ZDHHC14: variants seen among roughly 807,000 people sequenced by gnomAD.
ZDHHC14 encodes zDHHC palmitoyltransferase 14, also known as palmitoyltransferase ZDHHC14.
ZDHHC14 carries 16 observed loss-of-function variants against 47.7 expected under a neutral mutation model. That is an observed-to-expected ratio of 0.34 (90% CI 0.23 to 0.51). The LOEUF (loss-of-function observed/expected upper bound fraction) is 0.51, where lower values mean the gene tolerates loss of function less well. Among genes scored for constraint, ZDHHC14 ranks in the 20% least tolerant of loss-of-function variants. The pLI is 0.97. For synonymous variants in ZDHHC14, 293 were observed against 278.9 expected (o/e 1.05, Z -0.50); for missense variants, 515 against 662.5 (o/e 0.78, Z 2.44).
intron 1 of ZDHHC14, among the ~76,000 whole-genome samples, chr6:157,423,871 C>T (rs1210472067): frequency 2.6e-5 from 4 of 152,206 alleles, no homozygotes; most frequent in Non-Finnish European, 5.9e-5. Flanking sequence ...CCCAGACCTG[C>T]AGACTCTGAC....
chr6:157,399,785 T>G (rs905347169), intron 1 of ZDHHC14, among the ~76,000 whole-genome samples: 3 of 152,248 alleles, frequency 2.0e-5, no homozygotes, highest in African/African-American at 7.2e-5. Context: ...CCAGGCTGGC[T>G]GGGTGGCTCT....
intron 1 of ZDHHC14, among the ~76,000 whole-genome samples, chr6:157,382,481 G>C (rs572296202): frequency 6.6e-6 from 1 of 152,208 alleles, no homozygotes; most frequent in Non-Finnish European, 1.5e-5. Flanking sequence ...GGAGCAGGGA[G>C]GGAAGGGGTC....
At chr6:157,562,444 C>T (rs1782746616) in intron 2 of ZDHHC14, among the ~76,000 whole-genome samples, 1 of 152,146 alleles carries the variant, frequency 6.6e-6, no homozygotes, top group African/African-American at 2.4e-5. Flanking sequence ...CTGGCTGGCC[C>T]CTCATTTTCT....
intron 3 of ZDHHC14, among the ~76,000 whole-genome samples, chr6:157,599,789 C>A (rs1376059819): frequency 6.6e-6 from 1 of 152,186 alleles, no homozygotes; most frequent in Non-Finnish European, 1.5e-5. Context: ...CTTTGGAGAA[C>A]AACCAACCAA....
chr6:157,397,815 C>A (rs370631639), intron 1 of ZDHHC14, among the ~76,000 whole-genome samples: 2 of 152,180 alleles, frequency 1.3e-5, no homozygotes, highest in African/African-American at 2.4e-5. Flanking sequence ...GGGGCTGTCC[C>A]GAGACAGTAG....
intron 8 of ZDHHC14, 117 bp downstream of exon 8, chr6:157,653,744 C>A: frequency 1.1e-6 from 1 of 946,270 alleles, no homozygotes; most frequent in Non-Finnish European, 1.6e-6. Flanking sequence ...AGCCCACAGC[C>A]GCCCACCCCA....
Position 157,673,300 on chromosome 6 carries a change from A to G in ZDHHC14, c.*178A>G. On this transcript the variant is annotated 3_prime_UTR_variant, in exon 9 of 9. Coordinates refer to ENST00000359775, the MANE Select transcript of ZDHHC14 (RefSeq NM_024630.3). This position sits in a 1 kb window ranked among gnomAD's most constrained non-coding sequence, Gnocchi z 5.4. ...AGGGTGGCTGGCCCCGGATGCTGAGAGCTTGGTTTCATTTGAATTTTCTTC... is the reference window on the plus strand; with the variant it reads ...AGGGTGGCTGGCCCCGGATGCTGAGGGCTTGGTTTCATTTGAATTTTCTTC... 1 of 771,092 alleles carries G rather than the reference A, an allele frequency of 1.3e-6. No homozygotes were observed. The highest frequency in any genetic ancestry group is 3.3e-5 in the East Asian group (1 of 30,588). The allele number at this position is 771,092 out of a possible 1,614,324, so 47.8% of individuals were successfully genotyped here.
intron 1 of ZDHHC14, among the ~76,000 whole-genome samples, chr6:157,514,551 A>G (rs1311447992): frequency 2.0e-5 from 3 of 152,260 alleles, no homozygotes; most frequent in African/African-American, 7.2e-5. Context: ...AGTCCCTGGA[A>G]TCCCCAATCT....
At chr6:157,517,549 G>A (rs560603355) in intron 1 of ZDHHC14, among the ~76,000 whole-genome samples, 7 of 152,334 alleles carry the variant, frequency 4.6e-5, no homozygotes, top group Non-Finnish European at 8.8e-5. Context: ...GACCTCAAGT[G>A]ATCCATTCGC....
At chr6:157,449,018 G>C (rs773739518) in intron 1 of ZDHHC14, among the ~76,000 whole-genome samples, 2 of 152,234 alleles carry the variant, frequency 1.3e-5, no homozygotes, top group Non-Finnish European at 2.9e-5. Flanking sequence ...AAGCAGAAAG[G>C]CCAGGCCGAG....
chr6:157,422,858 C>T (rs1778139296), intron 1 of ZDHHC14, among the ~76,000 whole-genome samples: 1 of 152,160 alleles, frequency 6.6e-6, no homozygotes, highest in African/African-American at 2.4e-5. Context: ...AGTGGCTCTT[C>T]CCACAATCTG....
At position 157,427,921 on chromosome 6, in the gene ZDHHC14, T is replaced by C. The variant is rs952304892; in HGVS notation, c.245+45655T>C. 4.6e-5 allele frequency among the ~76,000 whole-genome samples: 7 copies of C among 152,138 alleles called. No homozygotes were observed. Among genetic ancestry groups the C allele is most frequent in the African/African-American group, 1.7e-4 (7 of 41,404 alleles). ...AATCTAATAAATCACAATAAAACTT[T>C]TATTGTGATTAGAGGAATATTGGGC... On this transcript the variant is annotated intron_variant, in intron 1 of 8. Coordinates refer to ENST00000359775, the MANE Select transcript of ZDHHC14 (RefSeq NM_024630.3). The surrounding 1 kb of genome is among the most constrained non-coding windows in gnomAD (Gnocchi z 4.4).
At chr6:157,528,291 G>GT (rs1562463426) in intron 1 of ZDHHC14, among the ~76,000 whole-genome samples, 1 of 152,048 alleles carries the variant, frequency 6.6e-6, no homozygotes, top group African/African-American at 2.4e-5. Flanking sequence ...CAGTTTTTTT[G>GT]TTGTTGTTGT....
In ZDHHC14 at chr6:157,382,211, T is replaced by C; in HGVS notation, c.190T>C (p.Phe64Leu). ...RIMMARQTGVFYLTLVLILVT... is the reference protein window; with the variant it reads ...RIMMARQTGVLYLTLVLILVT... Reference sequence around the variant, plus strand: ...CATGATGGCCCGGCAGACGGGCGTCTTCTACCTGACGCTCGTCCTCATCCT... The same window carrying C: ...CATGATGGCCCGGCAGACGGGCGTCCTCTACCTGACGCTCGTCCTCATCCT... Residue 64 changes from phenylalanine to leucine, a missense_variant, in exon 1 of 9, where the codon TTC becomes CTC. Around this residue, in one of 4 missense-constraint regions of ZDHHC14, gnomAD observed 229 missense variants for 351.5 expected, o/e 0.65. Transcript: ENST00000359775. 1 of 1,613,414 alleles carries C rather than the reference T, an allele frequency of 6.2e-7. No homozygotes were observed. Among genetic ancestry groups the C allele is most frequent in the Non-Finnish European group, 8.5e-7 (1 of 1,179,730 alleles).
intron 6 of ZDHHC14, chr6:157,646,511 G>T (rs1292990028): frequency 6.6e-6 from 1 of 151,872 alleles, no homozygotes; most frequent in Non-Finnish European, 1.5e-5. Context: ...TATTCAGGAG[G>T]CTGAGACCAG....
chr6:157,562,880 C>T (rs1782762934), intron 2 of ZDHHC14, among the ~76,000 whole-genome samples: 1 of 152,080 alleles, frequency 6.6e-6, no homozygotes, highest in Admixed American at 6.5e-5. Flanking sequence ...CGCCTCCCAC[C>T]GCCCCCCAAG....
chr6:157,453,548 G>T (rs1352916363), intron 1 of ZDHHC14, among the ~76,000 whole-genome samples: 1 of 152,130 alleles, frequency 6.6e-6, no homozygotes, highest in Non-Finnish European at 1.5e-5. Context: ...CAGACCCCTG[G>T]CTTAGATTCA....
intron 1 of ZDHHC14, among the ~76,000 whole-genome samples, chr6:157,531,202 A>T (rs1245186514): frequency 6.6e-6 from 1 of 152,040 alleles, no homozygotes; most frequent in Non-Finnish European, 1.5e-5. Context: ...ACAACATTCA[A>T]TTCAGCAAAT....
rs370670552 is a variant in ZDHHC14 at position 157,552,581 on chromosome 6, C to T, written c.406+9836C>T. 1.3e-4 allele frequency among the ~76,000 whole-genome samples: 20 copies of T among 152,112 alleles called. No individual in the cohort carries two copies. The East Asian group carries it at 3.3e-3, about 25-fold the overall frequency. On this transcript the variant is annotated intron_variant, in intron 2 of 8. Coordinates refer to ENST00000359775, the MANE Select transcript of ZDHHC14 (RefSeq NM_024630.3). ...AAGGAAGCAAAGGACTCAATGAGGA[C>T]GGAGGAAATGGACCAAGGCAAGGAG... is the stretch of plus-strand genomic sequence containing the variant.
Sources: allele counts gnomAD v4.1 joint callset (sites outside exome capture counted in the v4.1 genomes callset), GRCh38; gene constraint gnomAD v4.1.1; regional missense constraint gnomAD v4.1.1; non-coding constraint Gnocchi (gnomAD v3.1); transcripts MANE v1.5; gene names NCBI Gene and HGNC (gene_info 2026-07-23, HGNC 2026-07-21).